Variants in TBC1D30 observed in about 807,000 individuals in gnomAD.
TBC1D30 encodes TBC1 domain family, member 30.
In TBC1D30, 31 loss-of-function variants were observed where a neutral mutation model predicts 63.2. The observed-to-expected ratio is 0.49, with a 90% CI of 0.37 to 0.66. The LOEUF (loss-of-function observed/expected upper bound fraction) is 0.66. Among genes scored for constraint, TBC1D30 ranks in the 30% least tolerant of loss-of-function variants. TBC1D30 has a pLI of 0.00. For missense variants in TBC1D30, 810 were observed against 953.6 expected (o/e 0.85, Z 1.98); for synonymous variants, 307 against 361.5 (o/e 0.85, Z 1.71).
chr12:64,825,183 G>A (rs1317631183), intron 1 of TBC1D30, 150 bp downstream of exon 1: 2 of 1,227,820 alleles, frequency 1.6e-6, no homozygotes, highest in Admixed American at 5.7e-5. Context: ...CACCTGCAGG[G>A]AGCGATTGGT....
intron 8 of TBC1D30, among the ~76,000 whole-genome samples, chr12:64,849,780 T>G (rs1161885279): frequency 6.6e-6 from 1 of 152,204 alleles, no homozygotes; most frequent in African/African-American, 2.4e-5. Context: ...CCATATGAAA[T>G]TTAAAGTAGT....
intron 1 of TBC1D30, among the ~76,000 whole-genome samples, chr12:64,782,957 G>A (rs1465940857): frequency 6.6e-6 from 1 of 152,066 alleles, no homozygotes; most frequent in African/African-American, 2.4e-5. Flanking sequence ...AACATCATTC[G>A]CGTGCTAAGA....
At chr12:64,860,434 A>T (rs1002636354) in intron 8 of TBC1D30, among the ~76,000 whole-genome samples, 1 of 151,944 alleles carries the variant, frequency 6.6e-6, no homozygotes, top group East Asian at 1.9e-4. Flanking sequence ...GATTACAGGC[A>T]TGAGCTACTG....
intron 5 of TBC1D30, among the ~76,000 whole-genome samples, chr12:64,833,872 T>TA (rs1875093245): frequency 6.6e-6 from 1 of 151,894 alleles, no homozygotes; most frequent in African/African-American, 2.4e-5. Flanking sequence ...CATCAGTTTT[T>TA]TTTTTCAGAT....
chr12:64,769,922 T>G (rs1298659290), intron 1 of TBC1D30, among the ~76,000 whole-genome samples: 1 of 152,250 alleles, frequency 6.6e-6, no homozygotes. Flanking sequence ...ATTGTAAAAT[T>G]GTAACTGGCA....
chr12:64,793,760 C>T (rs576873631), intron 2 of TBC1D30, among the ~76,000 whole-genome samples: 2 of 152,272 alleles, frequency 1.3e-5, no homozygotes, highest in African/African-American at 4.8e-5. Flanking sequence ...GGTCCGGCAG[C>T]AGGAAGCCTC....
Position 64,875,433 on chromosome 12 carries a change from A to C in TBC1D30, c.1931A>C (p.Asp644Ala). 1 of 1,536,132 alleles carries C rather than the reference A, an allele frequency of 6.5e-7. No homozygotes were observed. The highest frequency in any genetic ancestry group is 8.7e-7 in the Non-Finnish European group (1 of 1,146,906). Residue 644 changes from aspartate to alanine, a missense_variant, in exon 12 of 12, where the codon GAT (aspartate) becomes GCT (alanine). Asp to Ala is a moderately radical substitution (Grantham distance 126). Coordinates refer to ENST00000539867, the MANE Select transcript of TBC1D30 (RefSeq NM_015279.2). ...EGQSPEPVFG[D>A]ADVDVSAVQA... is the part of the protein sequence containing the mutation. ...CAGTCTCCGGAGCCGGTGTTCGGAG[A>C]TGCTGATGTGGATGTGTCTGCAGTT... is the stretch of plus-strand genomic sequence containing the variant.
At position 64,850,132 on chromosome 12, in the gene TBC1D30, C is replaced by A. The variant is rs190194879; in HGVS notation, c.1038+6647C>A. 2.0e-5 allele frequency among the ~76,000 whole-genome samples: 3 copies of A among 152,274 alleles called. No individual in the cohort carries two copies. The East Asian group carries it at 5.8e-4, about 29-fold the overall frequency. ...TTTGCACATTGATTTTATATCCTGA[C>A]ACTTTGTTGAAGTTGCTTATCAGCT... On this transcript the variant is annotated intron_variant, in intron 8 of 11. Coordinates refer to ENST00000539867, the MANE Select transcript of TBC1D30 (RefSeq NM_015279.2).
chr12:64,779,170 G>A (rs2136286662), upstream of TBC1D30: 1 of 152,200 alleles, frequency 6.6e-6, no homozygotes, highest in African/African-American at 2.4e-5. Context: ...TTAGGGGGAA[G>A]AGATAAAAAG....
intron 1 of TBC1D30, among the ~76,000 whole-genome samples, chr12:64,826,198 A>G (rs1206486664): frequency 6.6e-6 from 1 of 152,168 alleles, no homozygotes; most frequent in African/African-American, 2.4e-5. Context: ...AGAAGAAAAG[A>G]AAAGTGGGGT....
chr12:64,858,138 A>T (rs967738666), intron 8 of TBC1D30, among the ~76,000 whole-genome samples: 17 of 152,190 alleles, frequency 1.1e-4, no homozygotes, highest in African/African-American at 3.9e-4. Flanking sequence ...TTGGTGTTGC[A>T]GCAGGGGGCA....
rs1879412560 is a variant in TBC1D30, at chr12:64,880,762, T to A, written c.*4974T>A. ...CAATCTTTATCTAGCTACACCAACC[T>A]GTGCCCCAGGGGCTTCAAGAGTTGT... is the stretch of plus-strand genomic sequence containing the variant. On this transcript the variant is annotated 3_prime_UTR_variant, in exon 12 of 12. Coordinates refer to ENST00000539867, the MANE Select transcript of TBC1D30 (RefSeq NM_015279.2). 1 of 152,140 alleles carries A rather than the reference T, an allele frequency of 6.6e-6. No individual in the cohort carries two copies. Among genetic ancestry groups the A allele is most frequent in the Non-Finnish European group, 1.5e-5 (1 of 68,034 alleles). 9.4% of individuals were successfully genotyped at this position (152,140 alleles called of 1,614,324 possible).
At chr12:64,771,268 G>T (rs1870896167) in intron 1 of TBC1D30, among the ~76,000 whole-genome samples, 1 of 151,898 alleles carries the variant, frequency 6.6e-6, no homozygotes, top group Non-Finnish European at 1.5e-5. Context: ...CAGGCCCATA[G>T]GGTTTTGGGG....
intron 2 of TBC1D30, 150 bp from the exon 3 acceptor site, chr12:64,828,294 T>G (rs1243668207): frequency 1.5e-6 from 1 of 648,304 alleles, no homozygotes; most frequent in Non-Finnish European, 2.7e-6. Flanking sequence ...CATGGACTGA[T>G]CACTTCTGTC....
chr12:64,851,372 C>T (rs937687545), intron 8 of TBC1D30, among the ~76,000 whole-genome samples: 1 of 152,140 alleles, frequency 6.6e-6, no homozygotes, highest in African/African-American at 2.4e-5. Context: ...GCCAATATCC[C>T]ATTTGCTTGG....
chr12:64,802,302 C>T (rs1872620439), intron 2 of TBC1D30, among the ~76,000 whole-genome samples: 1 of 152,028 alleles, frequency 6.6e-6, no homozygotes, highest in Non-Finnish European at 1.5e-5. Context: ...TGTCCCTGGG[C>T]ACCTTGTTTT....
At position 64,877,032 on chromosome 12, in the gene TBC1D30, G is replaced by A. The variant is rs771181891; in HGVS notation, c.*1244G>A. The A allele has an allele frequency of 1.8e-5, 7 of 387,186 alleles. No individual in the cohort carries two copies. Among genetic ancestry groups the A allele is most frequent in the Non-Finnish European group, 3.6e-5 (7 of 192,218 alleles). The allele number at this position is 387,186 out of a possible 1,614,324, so 24.0% of individuals were successfully genotyped here. A position where few individuals can be genotyped will look rare whatever the true frequency, so the allele number is the denominator to read the frequency against. On this transcript the variant is annotated 3_prime_UTR_variant, in exon 12 of 12. Coordinates refer to ENST00000539867, the MANE Select transcript of TBC1D30 (RefSeq NM_015279.2). ...TGTACACAGATGTATTGGCTACATA[G>A]CGTGTAAAAACCAAGACTGGGAAGC...
intron 2 of TBC1D30, among the ~76,000 whole-genome samples, chr12:64,811,115 A>T (rs1873193914): frequency 6.6e-6 from 1 of 152,244 alleles, no homozygotes; most frequent in South Asian, 2.1e-4. Context: ...ATGGCAAGGG[A>T]ACATCTGAAA....
chr12:64,760,440 G>C (rs1171642501), intron 1 of TBC1D30, among the ~76,000 whole-genome samples: 1 of 152,110 alleles, frequency 6.6e-6, no homozygotes, highest in East Asian at 1.9e-4. Flanking sequence ...GCAGGCGCCT[G>C]TAATCCCAGC....
Sources: allele counts gnomAD v4.1 joint callset (sites outside exome capture counted in the v4.1 genomes callset), GRCh38; gene constraint gnomAD v4.1.1; transcripts MANE v1.5; gene names NCBI Gene and HGNC (gene_info 2026-07-23, HGNC 2026-07-21).